Variants in GALNT14 observed in about 807,000 individuals in gnomAD.
GALNT14 encodes polypeptide N-acetylgalactosaminyltransferase 14.
In GALNT14, 60 loss-of-function variants were observed where a neutral mutation model predicts 77.5. The ratio of observed to expected loss-of-function variants is 0.77; its 90% confidence interval spans 0.63 to 0.96. GALNT14 has a LOEUF of 0.96. Ranked by LOEUF, GALNT14 falls within the 40% of genes least tolerant of loss-of-function variation. GALNT14 has a pLI of 0.00. For synonymous variants in GALNT14, 280 were observed against 281.7 expected (o/e 0.99, Z 0.06); for missense variants, 710 against 731.0 (o/e 0.97, Z 0.33).
chr2:30,977,092 C>CTTTTTTTTTTTTTTTT (rs11314175), intron 2 of GALNT14, among the ~76,000 whole-genome samples: 18 of 135,118 alleles, frequency 1.3e-4, no homozygotes, highest in African/African-American at 5.2e-4. Flanking sequence ...GCTTTTCTGT[C>CTTTTTTTTTTTTTTTT]TTTTTTTTTT....
chr2:31,025,914 C>T (rs1049737732), intron 1 of GALNT14, among the ~76,000 whole-genome samples: 1 of 152,162 alleles, frequency 6.6e-6, no homozygotes, highest in African/African-American at 2.4e-5. Flanking sequence ...CAGGAAAGTT[C>T]AGTCTTTATT....
intron 1 of GALNT14, among the ~76,000 whole-genome samples, chr2:31,012,651 A>G (rs1671102972): frequency 6.6e-6 from 1 of 152,210 alleles, no homozygotes; most frequent in African/African-American, 2.4e-5. Flanking sequence ...GCCCTGAATC[A>G]GGGTGTGTAG....
At chr2:30,888,641 G>A in the GALNT14 span, among the ~76,000 whole-genome samples, 2 of 152,030 alleles carry the variant, frequency 1.3e-5, no homozygotes, top group Admixed American at 6.6e-5. Flanking sequence ...TTGGGAGGCC[G>A]GGGGTGGGGA....
At chr2:31,049,972 G>T (rs540732421) in intron 1 of GALNT14, among the ~76,000 whole-genome samples, 2 of 152,276 alleles carry the variant, frequency 1.3e-5, no homozygotes, top group African/African-American at 4.8e-5. Flanking sequence ...AGGGGTGGGA[G>T]GGCCAAATGA....
At chr2:30,908,987 G>GGGAAAACTGGCTAGCCATATGT (rs1310804323), downstream of GALNT14, among the ~76,000 whole-genome samples, 8 of 151,922 alleles carry the variant, frequency 5.3e-5, no homozygotes, top group Admixed American at 5.2e-4. Flanking sequence ...AAATGGTGCT[G>GGGAAAACTGGCTAGCCATATGT]GGAAAACTGG....
intron 1 of GALNT14, among the ~76,000 whole-genome samples, chr2:31,043,007 C>T (rs77536757): frequency 0.022 from 3,387 of 152,236 alleles, 116 homozygotes; most frequent in African/African-American, 0.077. Flanking sequence ...GATATGGCCA[C>T]GGTCACCTGT....
rs1476610255 is a variant in GALNT14 at position 30,916,728 on chromosome 2, G to A, written c.1381-4386C>T. 3.0e-4 allele frequency among the ~76,000 whole-genome samples: 45 copies of A among 152,192 alleles called. 1 individual carries two copies. The highest frequency in any genetic ancestry group is 2.9e-3 in the Admixed American group (45 of 15,284). ...GCAGACGGGCCACAGCACCCAGCCT[G>A]GGGCTTGTGGTCTTGCACAGGATGG... On this transcript the variant is annotated intron_variant, in intron 13 of 14. Coordinates refer to ENST00000349752, the MANE Select transcript of GALNT14 (RefSeq NM_024572.4).
At chr2:31,047,600 C>T (rs910051924) in intron 1 of GALNT14, among the ~76,000 whole-genome samples, 1 of 152,200 alleles carries the variant, frequency 6.6e-6, no homozygotes, top group Non-Finnish European at 1.5e-5. Context: ...CTTCCAGACC[C>T]AAAGTCATGA....
At chr2:30,924,426 C>G (rs1325956212) in intron 12 of GALNT14, 163 bp from the exon 13 acceptor site, 2 of 712,410 alleles carry the variant, frequency 2.8e-6, no homozygotes, top group Non-Finnish European at 4.7e-6. Flanking sequence ...AATGAGGTGG[C>G]AAGGAAAGAC....
intron 2 of GALNT14, among the ~76,000 whole-genome samples, chr2:30,990,511 A>T (rs1171922189): frequency 6.6e-6 from 1 of 152,260 alleles, no homozygotes; most frequent in Non-Finnish European, 1.5e-5. Context: ...GGAAGGGCCC[A>T]GTTGAAAGAA....
chr2:31,131,359 A>C (rs1678985337), intron 1 of GALNT14, among the ~76,000 whole-genome samples: 1 of 152,170 alleles, frequency 6.6e-6, no homozygotes, highest in South Asian at 2.1e-4. Flanking sequence ...GGGCACGGGC[A>C]TGTCCAGACT....
At chr2:30,911,405 G>C (rs929546308) in intron 14 of GALNT14, among the ~76,000 whole-genome samples, 2 of 152,202 alleles carry the variant, frequency 1.3e-5, no homozygotes, top group African/African-American at 2.4e-5. Context: ...TGGCAGAGAA[G>C]TGGGGAAGAG....
rs1558429990 is a variant in GALNT14, at chr2:30,945,815, G to A, written c.710C>T (p.Thr237Ile). The change falls in exon 7 of 15, where the codon ACC (threonine) becomes ATC (isoleucine). Residue 237 changes from threonine to isoleucine, a missense_variant. Coordinates refer to ENST00000349752, the MANE Select transcript of GALNT14 (RefSeq NM_024572.4). ...GAGCTCCGAGGCAGACTCGATGTAG[G>A]TGAAGGTGTCCAGGTTAATGATATC... ...VIDIINLDTF[T>I]YIESASELRG... The A allele has an allele frequency of 1.9e-6, 3 of 1,614,168 alleles. No individual in the cohort carries two copies. Among genetic ancestry groups the A allele is most frequent in the Admixed American group, 3.3e-5 (2 of 60,034 alleles).
chr2:31,071,684 C>A (rs1322344170), intron 1 of GALNT14, among the ~76,000 whole-genome samples: 1 of 152,206 alleles, frequency 6.6e-6, no homozygotes, highest in Admixed American at 6.5e-5. Context: ...TGCAGCTCTT[C>A]CTTCTCGTCT....
chr2:31,007,842 T>G (rs1670778050), intron 1 of GALNT14, among the ~76,000 whole-genome samples: 1 of 152,164 alleles, frequency 6.6e-6, no homozygotes, highest in African/African-American at 2.4e-5. Context: ...CAGAGCCATA[T>G]TCTGGAAATG....
At chr2:31,062,891 C>T (rs1239783766) in intron 1 of GALNT14, among the ~76,000 whole-genome samples, 1 of 152,072 alleles carries the variant, frequency 6.6e-6, no homozygotes, top group Admixed American at 6.5e-5. Flanking sequence ...TATTCTTCAC[C>T]CACTTTTTGA....
chr2:31,044,887 C>A (rs755772827), intron 1 of GALNT14, among the ~76,000 whole-genome samples: 2 of 151,938 alleles, frequency 1.3e-5, no homozygotes, highest in Admixed American at 6.6e-5. Context: ...TGCACTCCAG[C>A]CTGGGCAACA....
intron 1 of GALNT14, among the ~76,000 whole-genome samples, chr2:31,083,893 A>G (rs770663215): frequency 6.6e-6 from 1 of 152,170 alleles, no homozygotes; most frequent in South Asian, 2.1e-4. Flanking sequence ...AAAACAGCCA[A>G]AGCAAGGAGA....
At chr2:31,098,761 A>T (rs1173364942) in intron 1 of GALNT14, among the ~76,000 whole-genome samples, 2 of 152,146 alleles carry the variant, frequency 1.3e-5, no homozygotes, top group Non-Finnish European at 2.9e-5. Flanking sequence ...ACAGCCCATT[A>T]GCACATATTT....
Sources: allele counts gnomAD v4.1 joint callset (sites outside exome capture counted in the v4.1 genomes callset), GRCh38; gene constraint gnomAD v4.1.1; transcripts MANE v1.5; gene names NCBI Gene and HGNC (gene_info 2026-07-23, HGNC 2026-07-21).